The following AMOT variants were observed in gnomAD, a reference collection of about 807,000 sequenced individuals.
AMOT encodes angiomotin.
In AMOT, 11 loss-of-function variants were observed where a neutral mutation model predicts 67.0. That is an observed-to-expected ratio of 0.16 (90% confidence interval 0.10 to 0.27). The LOEUF (loss-of-function observed/expected upper bound fraction) is 0.27. Ranked by LOEUF, AMOT falls within the 10% of genes least tolerant of loss-of-function variation. The pLI is 1.00. For missense variants in AMOT, 753 were observed against 852.0 expected (o/e 0.88, Z 1.45); for synonymous variants, 326 against 321.4 (o/e 1.01, Z -0.15).
chrX:112,778,957 A>C lies in AMOT; in HGVS notation c.3157+40T>G, dbSNP rs778288036. 2.6e-6 allele frequency: 3 copies of C among 1,144,430 alleles called. No homozygotes were observed. The African/African-American group carries it at 5.4e-5, about 20-fold the overall frequency. 94.3% of individuals were successfully genotyped at this position (1,144,430 alleles called of 1,213,427 possible). Reference sequence around the variant, plus strand: ...AAGAAATAAATCTGTATTTGAGAGCAGAACTAAACCAAAACCTACCTGCTA... The same window carrying C: ...AAGAAATAAATCTGTATTTGAGAGCCGAACTAAACCAAAACCTACCTGCTA... On this transcript the variant is annotated intron_variant, in intron 13 of 13. Coordinates refer to ENST00000371959, the MANE Select transcript of AMOT (RefSeq NM_001113490.2).
At chrX:112,819,288 G>A (rs2147818850) in intron 4 of AMOT, 1 of 686,599 alleles carries the variant, frequency 1.5e-6, no homozygotes, top group Non-Finnish European at 1.7e-6. Flanking sequence ...ACCAGAGCAG[G>A]TGCCACCCAA....
intron 9 of AMOT, 52 bp from the exon 10 acceptor site, chrX:112,790,834 T>A: frequency 1.9e-6 from 2 of 1,037,022 alleles, no homozygotes; most frequent in Non-Finnish European, 2.5e-6. Flanking sequence ...AGAACCATGG[T>A]GTCTGAGCCC....
chrX:112,816,945 A>G (rs1004625073), intron 4 of AMOT, among the ~76,000 whole-genome samples: 23 of 112,319 alleles, frequency 2.0e-4, no homozygotes, highest in African/African-American at 6.8e-4. Flanking sequence ...TAAGGGAAAC[A>G]ATTAGTATGT....
At chrX:112,806,832 A>G (rs148746458) in intron 7 of AMOT, among the ~76,000 whole-genome samples, 3 of 111,990 alleles carry the variant, frequency 2.7e-5, no homozygotes, top group South Asian at 3.7e-4. Context: ...ACCTGAAGTG[A>G]TATCACTGAA....
At chrX:112,811,824 C>T (rs1396685533) in intron 5 of AMOT, among the ~76,000 whole-genome samples, 6 of 111,681 alleles carry the variant, frequency 5.4e-5, no homozygotes, top group Non-Finnish European at 1.1e-4. Context: ...GACAGGATAC[C>T]TCTTCTCATT....
chrX:112,836,849 G>C (rs771180212), intron 1 of AMOT, among the ~76,000 whole-genome samples: 1 of 103,544 alleles, frequency 9.7e-6, no homozygotes, highest in South Asian at 4.7e-4. Context: ...AAACGTATAA[G>C]AACTGGCTCT....
rs186134204 is a variant in AMOT, at chrX:112,827,209, C to T, written c.-211-1989G>A. Among the ~76,000 whole-genome samples, 148 of 112,463 alleles carry T rather than the reference C, an allele frequency of 1.3e-3. 1 individual carries two copies. Among genetic ancestry groups the T allele is most frequent in the African/African-American group, 4.7e-3 (146 of 30,964 alleles). On this transcript the variant is annotated intron_variant, in intron 2 of 13. Transcript: ENST00000371959. ...CACTTTATGTTAACTGGACACAGAT[C>T]GTTCCCCTACCCTCTCACCCTCCTC...
At position 112,831,693 on chromosome X, in the gene AMOT, A is replaced by G. The variant is rs1934992673; in HGVS notation, c.-212+601T>C. On this transcript the variant is annotated intron_variant, in intron 2 of 13. Coordinates refer to ENST00000371959, the MANE Select transcript of AMOT (RefSeq NM_001113490.2). The stretch of plus-strand genomic sequence containing the variant: ...GACATGGAGTGTGATGACCAATTTG[A>G]CATCAAAGATAGGTTGAGATATATC... Among the ~76,000 whole-genome samples, 5 of 110,270 alleles carry G rather than the reference A, an allele frequency of 4.5e-5. No individual in the cohort carries two copies. The South Asian group carries it at 1.9e-3, about 43-fold the overall frequency.
intron 4 of AMOT, among the ~76,000 whole-genome samples, chrX:112,820,162 T>A (rs752686785): frequency 5.4e-5 from 6 of 111,966 alleles, no homozygotes; most frequent in Non-Finnish European, 1.1e-4. Context: ...AGGGCCATTT[T>A]AGGTTTGCTT....
At chrX:112,821,043 G>GA (rs60885965) in intron 4 of AMOT, among the ~76,000 whole-genome samples, 14,058 of 109,630 alleles carry the variant, frequency 0.13, 1,027 homozygotes, top group African/African-American at 0.25. Flanking sequence ...ACCTGCAGGG[G>GA]AAAAAAAAGA....
intron 10 of AMOT, among the ~76,000 whole-genome samples, chrX:112,786,395 C>A (rs1488405856): frequency 8.9e-6 from 1 of 112,069 alleles, no homozygotes. Flanking sequence ...ATCTTGTCAT[C>A]CTTTTGCTGC....
chrX:112,839,501 T>C (rs1021794179), intron 1 of AMOT, among the ~76,000 whole-genome samples: 2 of 111,743 alleles, frequency 1.8e-5, no homozygotes, highest in African/African-American at 6.5e-5. Flanking sequence ...ACGTCCACTC[T>C]TCATGGCGGG....
chrX:112,812,712 T>C (rs764653999), intron 5 of AMOT, among the ~76,000 whole-genome samples: 63 of 112,296 alleles, frequency 5.6e-4, no homozygotes, highest in Non-Finnish European at 9.9e-4. Flanking sequence ...GCATTGCTTC[T>C]GTGTTTTCCA....
chrX:112,805,070 C>T lies in AMOT; in HGVS notation c.1653G>A (p.Lys551=). 1 of 1,211,687 alleles carries T rather than the reference C, an allele frequency of 8.3e-7. No individual in the cohort carries two copies. Among genetic ancestry groups the T allele is most frequent in the Non-Finnish European group, 1.1e-6 (1 of 895,505 alleles). ...TGGCCAGCTCCGCTTCCAGCTTCTC[C>T]TTCTCACGCTGGCTTTCTTTATCTG... The part of the protein sequence containing the change: ...FAKNKESQRE[K]EKLEAELATA... Residue 551 remains lysine (K), a synonymous_variant, in exon 8 of 14, where the codon AAG becomes AAA. Transcript: ENST00000371959.
chrX:112,827,434 A>G (rs1332986100), intron 2 of AMOT, among the ~76,000 whole-genome samples: 1 of 112,454 alleles, frequency 8.9e-6, no homozygotes, highest in Non-Finnish European at 1.9e-5. Context: ...GAACTAAAAC[A>G]GTATGAACAC....
At chrX:112,806,349 TGTATAAAAC>T (rs201604577) in intron 7 of AMOT, among the ~76,000 whole-genome samples, 28 of 100,675 alleles carry the variant, frequency 2.8e-4, no homozygotes, top group South Asian at 4.6e-4. Flanking sequence ...TATATACATA[TGTATAAAAC>T]GTGTGTGTAT....
intron 4 of AMOT, among the ~76,000 whole-genome samples, chrX:112,816,746 T>C (rs1259662849): frequency 5.4e-5 from 6 of 111,893 alleles, no homozygotes; most frequent in African/African-American, 1.6e-4. Flanking sequence ...TCTGGCTTTT[T>C]CTACTGCCAT....
chrX:112,825,218 A>C lies in AMOT; in HGVS notation c.-209T>G, dbSNP rs1380562480. The C allele has an allele frequency of 9.0e-6, 1 of 111,390 alleles. No homozygotes were observed. Among genetic ancestry groups the C allele is most frequent in the Non-Finnish European group, 1.9e-5 (1 of 53,077 alleles). 9.2% of individuals were successfully genotyped at this position (111,390 alleles called of 1,213,427 possible). A position where few individuals can be genotyped will look rare whatever the true frequency, so the allele number is the denominator to read the frequency against. On this transcript the variant is annotated splice_region_variant and 5_prime_UTR_variant, in exon 3 of 14. Transcript: ENST00000371959. Reference sequence around the variant, plus strand: ...GCCGCCAAGAGTCCAACCACTGGTCACTCTGAAATGTTCAGGAGAGGGAGG... The same window carrying C: ...GCCGCCAAGAGTCCAACCACTGGTCCCTCTGAAATGTTCAGGAGAGGGAGG...
At chrX:112,838,405 G>A (rs781081059) in intron 1 of AMOT, among the ~76,000 whole-genome samples, 1 of 112,013 alleles carries the variant, frequency 8.9e-6, no homozygotes, top group Non-Finnish European at 1.9e-5. Flanking sequence ...CCTGGGAGAG[G>A]GCTCTTGGGA....
Sources: allele counts gnomAD v4.1 joint callset (sites outside exome capture counted in the v4.1 genomes callset), GRCh38; gene constraint gnomAD v4.1.1; transcripts MANE v1.5; gene names NCBI Gene and HGNC (gene_info 2026-07-23, HGNC 2026-07-21).